GSG1L: variants seen among roughly 807,000 people sequenced by gnomAD.
GSG1L encodes germ cell-specific gene 1-like protein.
In GSG1L, 24 loss-of-function variants were observed where a neutral mutation model predicts 42.1. That is an observed-to-expected ratio of 0.57 (90% CI 0.41 to 0.80). The LOEUF (loss-of-function observed/expected upper bound fraction) is 0.80, where lower values mean the gene tolerates loss of function less well. Ranked by LOEUF, GSG1L falls within the 30% of genes least tolerant of loss-of-function variation. The pLI, the probability that GSG1L is intolerant of heterozygous loss-of-function variation, is 0.00. For synonymous variants in GSG1L, 215 were observed against 203.5 expected (o/e 1.06, Z -0.48); for missense variants, 445 against 472.2 (o/e 0.94, Z 0.53).
chr16:27,825,771 T>A (rs2083201829), intron 5 of GSG1L, among the ~76,000 whole-genome samples: 1 of 152,166 alleles, frequency 6.6e-6, no homozygotes, highest in Non-Finnish European at 1.5e-5. Context: ...AATGTCCTCA[T>A]GATAGGGAGT....
At chr16:27,866,921 A>G (rs756129839) in intron 3 of GSG1L, among the ~76,000 whole-genome samples, 4 of 152,146 alleles carry the variant, frequency 2.6e-5, no homozygotes, top group African/African-American at 4.8e-5. Context: ...TAGAGGGTTC[A>G]GGGTGATGAA....
intron 2 of GSG1L, among the ~76,000 whole-genome samples, chr16:27,926,543 A>C (rs1056279469): frequency 1.8e-4 from 28 of 152,118 alleles, no homozygotes; most frequent in Admixed American, 1.8e-3. Flanking sequence ...AAACAAAACT[A>C]GCTGGGCATG....
chr16:27,994,387 C>T (rs2085491147), intron 1 of GSG1L, among the ~76,000 whole-genome samples: 2 of 152,128 alleles, frequency 1.3e-5, no homozygotes, highest in South Asian at 4.1e-4. Flanking sequence ...CCTTTCCAAC[C>T]CTTCAGATGA....
intron 2 of GSG1L, among the ~76,000 whole-genome samples, chr16:27,903,235 C>T (rs948637942): frequency 6.6e-6 from 1 of 152,062 alleles, no homozygotes; most frequent in African/African-American, 2.4e-5. Context: ...TACTTGATCC[C>T]CAGGCAGCAG....
At chr16:27,984,360 C>T (rs1442660161) in intron 1 of GSG1L, among the ~76,000 whole-genome samples, 2 of 152,108 alleles carry the variant, frequency 1.3e-5, no homozygotes, top group African/African-American at 2.4e-5. Flanking sequence ...TGGGGGACAT[C>T]GCAGGGTAGC....
chr16:27,935,060 C>T (rs1384206914), intron 2 of GSG1L, among the ~76,000 whole-genome samples: 1 of 152,208 alleles, frequency 6.6e-6, no homozygotes, highest in East Asian at 1.9e-4. Context: ...AGGGACAAAG[C>T]AAGGTGACTT....
At chr16:27,828,181 C>T (rs1340749141) in intron 5 of GSG1L, among the ~76,000 whole-genome samples, 3 of 151,822 alleles carry the variant, frequency 2.0e-5, no homozygotes, top group African/African-American at 7.3e-5. Context: ...GTCCAGCCAT[C>T]TGTCTATCCA....
At chr16:28,041,893 G>A (rs1365723882) in intron 1 of GSG1L, among the ~76,000 whole-genome samples, 1 of 152,204 alleles carries the variant, frequency 6.6e-6, no homozygotes. Flanking sequence ...GGAAGTTTCT[G>A]AGAGAATCGC....
intron 2 of GSG1L, among the ~76,000 whole-genome samples, chr16:27,904,106 A>G (rs963899822): frequency 6.6e-6 from 1 of 151,618 alleles, no homozygotes; most frequent in Non-Finnish European, 1.5e-5. Context: ...GGTTTTTTTT[A>G]TCACCCAGGC....
At position 27,806,115 on chromosome 16, in the gene GSG1L, T is replaced by A. The variant is rs1597462698; in HGVS notation, c.898+1372A>T. Among the ~76,000 whole-genome samples, 6 of 151,930 alleles carry A rather than the reference T, an allele frequency of 3.9e-5. 1 individual carries two copies. The highest frequency in any genetic ancestry group is 1.4e-4 in the African/African-American group (6 of 41,418). ...CACTCTGTTGTCCCTGCAGGAGGAG[T>A]TCTCCAAACACATCCATCCCCTGGT... On this transcript the variant is annotated intron_variant, in intron 6 of 6. Transcript: ENST00000447459.
intron 2 of GSG1L, among the ~76,000 whole-genome samples, chr16:27,914,159 T>C (rs1321514817): frequency 6.6e-6 from 1 of 151,642 alleles, no homozygotes; most frequent in Non-Finnish European, 1.5e-5. Flanking sequence ...GCAATTAGTA[T>C]CCTTGTACAC....
intron 1 of GSG1L, among the ~76,000 whole-genome samples, chr16:27,974,256 G>A (rs762653273): frequency 2.6e-5 from 4 of 152,112 alleles, no homozygotes; most frequent in Non-Finnish European, 4.4e-5. Context: ...AAGATGTCAG[G>A]GCCTTCAAAG....
intron 6 of GSG1L, among the ~76,000 whole-genome samples, chr16:27,794,651 A>G (rs976150729): frequency 2.0e-5 from 3 of 152,172 alleles, no homozygotes; most frequent in Non-Finnish European, 4.4e-5. Context: ...AAAGAAACTG[A>G]AAATCTGGAT....
At chr16:27,906,644 G>T (rs1457151179) in intron 2 of GSG1L, among the ~76,000 whole-genome samples, 1 of 152,104 alleles carries the variant, frequency 6.6e-6, no homozygotes, top group Non-Finnish European at 1.5e-5. Flanking sequence ...TCAGGTCTCA[G>T]TTCAAATGTA....
At chr16:27,830,927 T>G (rs2083268536) in intron 4 of GSG1L, among the ~76,000 whole-genome samples, 1 of 152,252 alleles carries the variant, frequency 6.6e-6, no homozygotes, top group Non-Finnish European at 1.5e-5. Flanking sequence ...ACACTCCAAT[T>G]CTGTTAAGGG....
chr16:27,915,520 C>A (rs1018284167), intron 2 of GSG1L, among the ~76,000 whole-genome samples: 4 of 152,334 alleles, frequency 2.6e-5, no homozygotes, highest in African/African-American at 4.8e-5. Flanking sequence ...GTCGTTCATT[C>A]ACTCACTCAA....
intron 1 of GSG1L, among the ~76,000 whole-genome samples, chr16:28,038,701 C>A (rs182835585): frequency 6.6e-6 from 1 of 152,340 alleles, no homozygotes; most frequent in East Asian, 1.9e-4. Flanking sequence ...GACTGCAGGG[C>A]CTTCCAACCT....
chr16:27,808,576 G>A (rs898061575), intron 5 of GSG1L, among the ~76,000 whole-genome samples: 3 of 151,838 alleles, frequency 2.0e-5, no homozygotes, highest in African/African-American at 4.8e-5. Flanking sequence ...CTGCCACTGC[G>A]CCCAGCTAAT....
At chr16:27,882,617 C>A (rs2083973724) in intron 3 of GSG1L, among the ~76,000 whole-genome samples, 1 of 152,138 alleles carries the variant, frequency 6.6e-6, no homozygotes, top group Non-Finnish European at 1.5e-5. Context: ...GGAATGCCCT[C>A]CTCAAGTTGT....
Sources: gnomAD v4.1 joint callset for allele counts (sites outside exome capture counted in the v4.1 genomes callset) on GRCh38, gnomAD v4.1.1 for gene constraint, MANE v1.5 for transcripts, NCBI Gene and HGNC (gene_info 2026-07-23, HGNC 2026-07-21) for gene names.